Variants in SYNE1 observed in about 807,000 individuals in gnomAD.
SYNE1 encodes the protein nesprin-1.
Under a neutral mutation model 1,111.0 loss-of-function variants are expected in SYNE1, and 616 were observed. The ratio of observed to expected loss-of-function variants is 0.55; its 90% CI spans 0.52 to 0.59. SYNE1 has a LOEUF of 0.59. Among genes scored for constraint, SYNE1 ranks in the 20% least tolerant of loss-of-function variants. The pLI is 0.00. For missense variants in SYNE1, 10,006 were observed against 10,417.0 expected (o/e 0.96, Z 1.72); for synonymous variants, 3,855 against 3,825.8 (o/e 1.01, Z -0.28).
intron 121 of SYNE1, among the ~76,000 whole-genome samples, chr6:152,217,238 CA>C (rs35418741): frequency 6.8e-6 from 1 of 147,192 alleles, no homozygotes. Context: ...ACTAAAAATA[CA>C]AAAAAAATTA....
chr6:152,540,841 C>T (rs1325728515), intron 3 of SYNE1, among the ~76,000 whole-genome samples: 2 of 152,186 alleles, frequency 1.3e-5, no homozygotes, highest in African/African-American at 4.8e-5. Flanking sequence ...CAGTAAGACA[C>T]CAGGCCCTTG....
At chr6:152,479,596 A>ATAAT (rs1330338314) in intron 14 of SYNE1, among the ~76,000 whole-genome samples, 10 of 152,176 alleles carry the variant, frequency 6.6e-5, no homozygotes, top group African/African-American at 1.7e-4. Flanking sequence ...GCAAAAAAGG[A>ATAAT]TAATAATACC....
At chr6:152,343,165 T>C (rs2096566637) in intron 74 of SYNE1, among the ~76,000 whole-genome samples, 1 of 151,736 alleles carries the variant, frequency 6.6e-6, no homozygotes, top group Non-Finnish European at 1.5e-5. Flanking sequence ...TCTTTTTTTT[T>C]TTTTTGAGAC....
At position 152,502,737 on chromosome 6, in the gene SYNE1, C is replaced by T; in HGVS notation, c.784G>A (p.Asp262Asn). The change falls in exon 10 of 146, where the codon GAT becomes AAT. Residue 262 changes from aspartate (D) to asparagine (N), a missense_variant. Physicochemically the swap from Asp to Asn is conservative, Grantham distance 23 (BLOSUM62 1). Coordinates refer to ENST00000367255, the MANE Select transcript of SYNE1 (RefSeq NM_182961.4). ...GATTTCTCATCTGGTTTATCCACAT[C>T]AACGTCTGAAAAAACAAAAAAGAAA... ...IPRLLDPEDV[D>N]VDKPDEKSIM... 1 of 1,610,060 alleles carries T rather than the reference C, an allele frequency of 6.2e-7. No homozygotes were observed. Among genetic ancestry groups the T allele is most frequent in the Middle Eastern group, 1.7e-4 (1 of 6,050 alleles).
At chr6:152,202,728 T>C (rs938824352) in intron 126 of SYNE1, among the ~76,000 whole-genome samples, 3 of 151,904 alleles carry the variant, frequency 2.0e-5, no homozygotes, top group African/African-American at 7.3e-5. Context: ...ACCCCATCCA[T>C]AACTACACCC....
rs141368652 is a variant in SYNE1 at position 152,505,313 on chromosome 6, C to T, written c.666G>A (p.Pro222=). 3.3e-5 allele frequency: 54 copies of T among 1,614,080 alleles called. No individual in the cohort carries two copies. The highest frequency in any genetic ancestry group is 1.7e-4 in the Admixed American group (10 of 60,012). Residue 222 remains proline, a synonymous_variant, in exon 9 of 146, where the codon CCG becomes CCA. Coordinates refer to ENST00000367255, the MANE Select transcript of SYNE1 (RefSeq NM_182961.4). The stretch of plus-strand genomic sequence containing the variant: ...TCACTGTCTCCAAGTCCACCAATTC[C>T]GGTCGAATGGCATGAATAACTGAAT... The part of the protein sequence containing the change: ...AFHSVIHAIR[P]ELVDLETVKG...
chr6:152,414,874 C>A (rs887900015), intron 41 of SYNE1, among the ~76,000 whole-genome samples: 1 of 152,102 alleles, frequency 6.6e-6, no homozygotes, highest in Non-Finnish European at 1.5e-5. Flanking sequence ...GCTATTTTTT[C>A]TTCCCAAGTA....
At chr6:152,138,154 G>A (rs936684847) in intron 140 of SYNE1, among the ~76,000 whole-genome samples, 6 of 152,120 alleles carry the variant, frequency 3.9e-5, no homozygotes, top group African/African-American at 1.4e-4. Context: ...TTTCTATAGG[G>A]ATGCACCTTT....
chr6:152,413,530 A>G lies in SYNE1; in HGVS notation c.6052T>C (p.Leu2018=). 6.2e-7 allele frequency: 1 copy of G among 1,613,750 alleles called. No homozygotes were observed. The highest frequency in any genetic ancestry group is 1.1e-5 in the South Asian group (1 of 91,048). ...EPTRQALQQR[L]RVFNQLEDEL... is the part of the protein sequence containing the mutation. The stretch of plus-strand genomic sequence containing the variant: ...TCTTCTAGCTGATTAAACACTCTTA[A>G]CCTGTGAATTAAAATGTTATTTTCC... The change falls in exon 42 of 146, where the codon TTA becomes CTA. Residue 2018 remains leucine (L), a splice_region_variant and synonymous_variant. Coordinates refer to ENST00000367255, the MANE Select transcript of SYNE1 (RefSeq NM_182961.4).
At position 152,225,806 on chromosome 6, in the gene SYNE1, A is replaced by G. The variant is rs773240890; in HGVS notation, c.21266T>C (p.Ile7089Thr). 6.2e-7 allele frequency: 1 copy of G among 1,613,996 alleles called. No homozygotes were observed. The highest frequency in any genetic ancestry group is 1.7e-5 in the Admixed American group (1 of 60,000). Residue 7089 changes from isoleucine to threonine, a missense_variant, in exon 116 of 146, where the codon ATT becomes ACT. By Grantham distance (89) the Ile-to-Thr change is moderately conservative (BLOSUM62 -1). This residue lies in a region of SYNE1 where 2,182 missense variants were observed against 2,287.8 expected (regional missense o/e 0.95). Coordinates refer to ENST00000367255, the MANE Select transcript of SYNE1 (RefSeq NM_182961.4). ...AGAGACGTCTTCTTTCTTGTTCTGA[A>G]TCAAAGCAAGTCCATTCTGCTCAAT... ...EKIEQNGLAL[I>T]QNKKEDVSSI...
chr6:152,382,532 GCAGTAGTCTA>G (rs1372481445), intron 55 of SYNE1, among the ~76,000 whole-genome samples: 3 of 152,090 alleles, frequency 2.0e-5, no homozygotes, highest in Non-Finnish European at 2.9e-5. Flanking sequence ...ATTCAGTTGT[GCAGTAGTCTA>G]AATTACAATG....
intron 2 of SYNE1, among the ~76,000 whole-genome samples, chr6:152,633,239 A>G (rs1051163784): frequency 6.6e-6 from 1 of 152,230 alleles, no homozygotes; most frequent in African/African-American, 2.4e-5. Context: ...TGGGCTGTAT[A>G]CCAATAAATA....
intron 3 of SYNE1, among the ~76,000 whole-genome samples, chr6:152,614,754 C>T (rs1041072833): frequency 6.6e-6 from 1 of 152,074 alleles, no homozygotes; most frequent in South Asian, 2.1e-4. Context: ...CAATGATAGA[C>T]CGAATTAAGA....
At chr6:152,457,216 C>T (rs922094448) in intron 22 of SYNE1, among the ~76,000 whole-genome samples, 6 of 152,070 alleles carry the variant, frequency 3.9e-5, no homozygotes, top group Admixed American at 2.0e-4. Flanking sequence ...ATGCTAGTGA[C>T]ATTATGGTGT....
intron 16 of SYNE1, among the ~76,000 whole-genome samples, chr6:152,469,541 AG>A (rs1404008794): frequency 6.6e-6 from 1 of 152,162 alleles, no homozygotes; most frequent in African/African-American, 2.4e-5. Flanking sequence ...GTACACTTAC[AG>A]GTATGTAAGT....
chr6:152,550,817 A>G (rs1382221164), intron 3 of SYNE1, among the ~76,000 whole-genome samples: 3 of 152,160 alleles, frequency 2.0e-5, no homozygotes, highest in Non-Finnish European at 4.4e-5. Flanking sequence ...TGTGCACCGT[A>G]TCACGTTTCT....
chr6:152,381,567 A>T, intron 55 of SYNE1: 1 of 606,206 alleles, frequency 1.6e-6, no homozygotes. Flanking sequence ...TGGCAAAAAA[A>T]TCCCGAGAAT....
At chr6:152,247,764 C>T (rs2087738687) in intron 105 of SYNE1, among the ~76,000 whole-genome samples, 2 of 144,736 alleles carry the variant, frequency 1.4e-5, no homozygotes, top group African/African-American at 5.0e-5. Flanking sequence ...CACACACACA[C>T]ACACACACAC....
chr6:152,249,810 G>C (rs1248937563), intron 104 of SYNE1, among the ~76,000 whole-genome samples: 1 of 151,984 alleles, frequency 6.6e-6, no homozygotes, highest in Non-Finnish European at 1.5e-5. Context: ...CATGTGAAGA[G>C]ACAACACAAA....
Sources: gnomAD v4.1 joint callset for allele counts (sites outside exome capture counted in the v4.1 genomes callset) on GRCh38, gnomAD v4.1.1 for gene constraint, gnomAD v4.1.1 regional missense constraint, MANE v1.5 for transcripts, NCBI Gene and HGNC (gene_info 2026-07-23, HGNC 2026-07-21) for gene names.